Variants in ADAM2 observed in about 807,000 individuals in gnomAD.
The protein encoded by ADAM2 is disintegrin and metalloproteinase domain-containing protein 2.
A neutral mutation model predicts 99.3 loss-of-function variants in ADAM2; 101 were observed. The observed-to-expected ratio is 1.02, with a 90% confidence interval of 0.87 to 1.20. The LOEUF (loss-of-function observed/expected upper bound fraction) is 1.20. ADAM2 is among the 50% of genes most tolerant of loss of function. The pLI is 0.00. For synonymous variants in ADAM2, 323 were observed against 287.6 expected (o/e 1.12, Z -1.25); for missense variants, 948 against 878.7 (o/e 1.08, Z -1.00).
At chr8:39,801,383 T>C (rs1804202964) in intron 7 of ADAM2, among the ~76,000 whole-genome samples, 2 of 152,136 alleles carry the variant, frequency 1.3e-5, no homozygotes, top group African/African-American at 4.8e-5. Flanking sequence ...CCAAGATGGG[T>C]ACCTTCTCCT....
intron 11 of ADAM2, among the ~76,000 whole-genome samples, chr8:39,773,382 G>A (rs1009831557): frequency 6.6e-6 from 1 of 151,280 alleles, no homozygotes; most frequent in Non-Finnish European, 1.5e-5. Flanking sequence ...TAAAAATCTA[G>A]AAAAAAGATG....
chr8:39,830,238 C>T (rs543033693), intron 3 of ADAM2, among the ~76,000 whole-genome samples: 2 of 152,156 alleles, frequency 1.3e-5, no homozygotes, highest in South Asian at 4.1e-4. Flanking sequence ...GTTTCCATCA[C>T]CACTCTTGAT....
Position 39,746,541 on chromosome 8 carries a change from A to T in ADAM2, c.2105T>A (p.Leu702Gln). The change falls in exon 19 of 21, where the codon CTG becomes CAG. Residue 702 changes from leucine to glutamine, a missense_variant. Leu to Gln is a moderately radical substitution (Grantham distance 113, BLOSUM62 -2). Coordinates refer to ENST00000265708, the MANE Select transcript of ADAM2 (RefSeq NM_001464.5). ...FIPFFIIFCV[L>Q]IAIMVKVNFQ... The stretch of plus-strand genomic sequence containing the variant: ...ATTAACTTTCACCATTATAGCAATC[A>T]GTACACAGAAAATAATAAAGAAAGG... 1.2e-6 allele frequency: 2 copies of T among 1,605,842 alleles called. No homozygotes were observed. Among genetic ancestry groups the T allele is most frequent in the Non-Finnish European group, 1.7e-6 (2 of 1,175,876 alleles).
In ADAM2 at chr8:39,788,698, CT is replaced by C; in HGVS notation, c.612del (p.Val205PhefsTer4). ...MGSDTTVVAQ[K>X]VFQLIGLTNA... Reference sequence around the variant, plus strand: ...TTCGTCAATCCAATCAACTGGAAAACTTTTTGAGCGACAACAGTTGTATCAG... The same window carrying C: ...TTCGTCAATCCAATCAACTGGAAAACTTTTGAGCGACAACAGTTGTATCAG... On this transcript the variant is annotated frameshift_variant, in exon 8 of 21. Transcript: ENST00000265708. LOFTEE classifies it high-confidence loss of function. The C allele has an allele frequency of 2.5e-6, 4 of 1,582,786 alleles. No homozygotes were observed. The highest frequency in any genetic ancestry group is 1.2e-5 in the South Asian group (1 of 86,818).
At chr8:39,835,418 C>G (rs1025566379) in intron 2 of ADAM2, among the ~76,000 whole-genome samples, 1 of 152,100 alleles carries the variant, frequency 6.6e-6, no homozygotes, top group African/African-American at 2.4e-5. Flanking sequence ...TGTGCGGTGG[C>G]TCACGCCTGT....
At chr8:39,823,094 T>G (rs147795535) in intron 4 of ADAM2, among the ~76,000 whole-genome samples, 2 of 152,064 alleles carry the variant, frequency 1.3e-5, no homozygotes, top group African/African-American at 4.8e-5. Flanking sequence ...TGCACATACA[T>G]TTTAGATTGT....
intron 9 of ADAM2, among the ~76,000 whole-genome samples, chr8:39,787,425 A>G (rs1326961366): frequency 6.6e-6 from 1 of 151,518 alleles, no homozygotes; most frequent in Non-Finnish European, 1.5e-5. Context: ...AAAGTCTCTC[A>G]TTATTCAGAC....
At chr8:39,778,530 T>C (rs1271858913) in intron 10 of ADAM2, among the ~76,000 whole-genome samples, 1 of 152,110 alleles carries the variant, frequency 6.6e-6, no homozygotes, top group Admixed American at 6.6e-5. Flanking sequence ...TTGGTACCAA[T>C]TAAAGTTCTT....
chr8:39,804,677 T>C (rs1804363495), intron 7 of ADAM2, among the ~76,000 whole-genome samples: 2 of 152,072 alleles, frequency 1.3e-5, no homozygotes, highest in African/African-American at 4.8e-5. Flanking sequence ...GACATTAAAA[T>C]TATAAAAAAT....
intron 10 of ADAM2, among the ~76,000 whole-genome samples, chr8:39,779,310 T>A (rs565990453): frequency 6.6e-6 from 1 of 152,220 alleles, no homozygotes; most frequent in South Asian, 2.1e-4. Flanking sequence ...TTCCTCTATG[T>A]GCGCATGGAG....
At chr8:39,746,003 G>T (rs2129582538) in intron 19 of ADAM2, among the ~76,000 whole-genome samples, 1 of 125,110 alleles carries the variant, frequency 8.0e-6, no homozygotes, top group Middle Eastern at 4.0e-3. Context: ...GTGTGTGTGT[G>T]CATGTGTGTG....
At chr8:39,831,950 G>A (rs1268596152) in intron 3 of ADAM2, among the ~76,000 whole-genome samples, 1 of 152,118 alleles carries the variant, frequency 6.6e-6, no homozygotes, top group African/African-American at 2.4e-5. Context: ...GAATCTCCAT[G>A]ATTCATGCAA....
At chr8:39,744,543 C>G (rs1823368539) in intron 20 of ADAM2, among the ~76,000 whole-genome samples, 1 of 151,920 alleles carries the variant, frequency 6.6e-6, no homozygotes, top group African/African-American at 2.4e-5. Context: ...AACATAAAAC[C>G]AAACACCGCA....
chr8:39,791,707 T>C (rs1803722705), intron 7 of ADAM2, among the ~76,000 whole-genome samples: 1 of 152,100 alleles, frequency 6.6e-6, no homozygotes, highest in Non-Finnish European at 1.5e-5. Context: ...TTGGGTGTTT[T>C]GTGGTGCTCC....
chr8:39,806,167 C>G (rs554784701), intron 7 of ADAM2, among the ~76,000 whole-genome samples: 49 of 152,062 alleles, frequency 3.2e-4, no homozygotes, highest in African/African-American at 1.2e-3. Flanking sequence ...CTTATTTTCG[C>G]AAGTTGTTGG....
chr8:39,823,005 G>A (rs1805260301), intron 4 of ADAM2, among the ~76,000 whole-genome samples: 1 of 152,146 alleles, frequency 6.6e-6, no homozygotes. Flanking sequence ...TTGACCTCAT[G>A]ATCTGCCCGC....
chr8:39,800,880 G>A (rs905889324), intron 7 of ADAM2, among the ~76,000 whole-genome samples: 7 of 152,058 alleles, frequency 4.6e-5, no homozygotes, highest in African/African-American at 1.2e-4. Flanking sequence ...CCATCAGATC[G>A]TTTATGTTCC....
At chr8:39,778,069 T>C (rs2129584743) in intron 10 of ADAM2, among the ~76,000 whole-genome samples, 1 of 148,514 alleles carries the variant, frequency 6.7e-6, no homozygotes, top group East Asian at 2.0e-4. Context: ...ATTATAAACA[T>C]ATAATTTAAA....
chr8:39,750,831 A>G (rs1801906078), intron 16 of ADAM2, among the ~76,000 whole-genome samples: 1 of 152,216 alleles, frequency 6.6e-6, no homozygotes, highest in African/African-American at 2.4e-5. Context: ...CTTTCAACCT[A>G]TATCAAATAA....
Sources: allele counts gnomAD v4.1 joint callset (sites outside exome capture counted in the v4.1 genomes callset), GRCh38; gene constraint gnomAD v4.1.1; transcripts MANE v1.5; gene names NCBI Gene and HGNC (gene_info 2026-07-23, HGNC 2026-07-21).